Variants in ZNF839 observed in about 807,000 individuals in gnomAD.
ZNF839 encodes renal carcinoma antigen NY-REN-50.
A neutral mutation model predicts 56.4 loss-of-function variants in ZNF839; 38 were observed. The ratio of observed to expected loss-of-function variants is 0.67; its 90% CI spans 0.52 to 0.88. ZNF839 has a LOEUF of 0.88. ZNF839 is among the 40% of genes least tolerant of loss of function. The probability of loss-of-function intolerance (pLI) is 0.00; values close to 1 mark genes in which losing one functional copy is unlikely to be tolerated. For synonymous variants in ZNF839, 486 were observed against 493.5 expected, an observed-to-expected ratio of 0.98 and a Z score of 0.20; for missense variants, 1,091 against 1,177.6, an observed-to-expected ratio of 0.93 and a Z score of 1.08.
upstream of ZNF839, among the ~76,000 whole-genome samples, chr14:102,318,997 A>T (rs1242556222): frequency 6.6e-6 from 1 of 152,166 alleles, no homozygotes; most frequent in Non-Finnish European, 1.5e-5. Context: ...ATGTGTACAC[A>T]CCTGCAGCTA....
At chr14:102,323,864 A>G (rs2073261951) in intron 1 of ZNF839, among the ~76,000 whole-genome samples, 2 of 152,202 alleles carry the variant, frequency 1.3e-5, no homozygotes, top group South Asian at 4.1e-4. Flanking sequence ...CTCATACTGC[A>G]GAGAAAATGA....
At chr14:102,329,226 C>T (rs1199762153) in intron 2 of ZNF839, among the ~76,000 whole-genome samples, 1 of 152,184 alleles carries the variant, frequency 6.6e-6, no homozygotes, top group Non-Finnish European at 1.5e-5. Flanking sequence ...CCTTGGCCAC[C>T]CAAAGTGCTG....
chr14:102,324,011 A>G (rs1399883914), intron 1 of ZNF839, among the ~76,000 whole-genome samples: 3 of 152,340 alleles, frequency 2.0e-5, no homozygotes, highest in South Asian at 4.1e-4. Flanking sequence ...GAACTGAACT[A>G]TATATTTTTA....
rs781672974 is a variant in ZNF839, at chr14:102,326,816, A to G, written c.1120A>G (p.Met374Val). ...CAGCCTGACCTCCCTGGGGCTGTCC[A>G]TGCCAGCGGATCCATGTGAGGGAGG... is the stretch of plus-strand genomic sequence containing the variant. ...TLSLTSLGLS[M>V]PADPCEGGAR... The change falls in exon 2 of 8, where the codon ATG becomes GTG. Residue 374 changes from methionine (M) to valine (V), a missense_variant. This residue lies in a region of ZNF839 where 614 missense variants were observed against 629.2 expected (regional missense o/e 0.98). Transcript: ENST00000442396. This position sits in a 1 kb window ranked among gnomAD's most constrained non-coding sequence, Gnocchi z 4.3. 45 of 1,611,532 alleles carry G rather than the reference A, an allele frequency of 2.8e-5. No homozygotes were observed. The highest frequency in any genetic ancestry group is 1.7e-4 in the Middle Eastern group (1 of 5,996).
At position 102,341,982 on chromosome 14, in the gene ZNF839, G is replaced by A. The variant is rs746898107; in HGVS notation, c.2587G>A (p.Val863Met). The change falls in exon 8 of 8, where the codon GTG (valine) becomes ATG (methionine). Residue 863 changes from valine (V) to methionine (M), a missense_variant. Around this residue, in one of 3 missense-constraint regions of ZNF839, gnomAD observed 431 missense variants for 468.0 expected, o/e 0.92. Coordinates refer to ENST00000442396, the MANE Select transcript of ZNF839 (RefSeq NM_018335.6). ...CTCTGGCCAGAGAGAACTGGAGAGCGTGGTTGCTGTCGGCGAAGCCATGGC... is the reference window on the plus strand; with the variant it reads ...CTCTGGCCAGAGAGAACTGGAGAGCATGGTTGCTGTCGGCGAAGCCATGGC... ...VHSGQRELES[V>M]VAVGEAMAFE... 29 of 1,613,920 alleles carry A rather than the reference G, an allele frequency of 1.8e-5. No homozygotes were observed. Among genetic ancestry groups the A allele is most frequent in the African/African-American group, 5.3e-5 (4 of 74,940 alleles).
At position 102,328,393 on chromosome 14, in the gene ZNF839, T is replaced by A. The variant is rs201660777; in HGVS notation, c.1191+1506T>A. ...AAAAAAAAATATATATATATATATA[T>A]ATATATATATATATATATGTATACA... On this transcript the variant is annotated intron_variant, in intron 2 of 7. Coordinates refer to ENST00000442396, the MANE Select transcript of ZNF839 (RefSeq NM_018335.6). 3.1e-3 allele frequency among the ~76,000 whole-genome samples: 300 copies of A among 96,154 alleles called. 2 individuals are homozygous for A. Among genetic ancestry groups the A allele is most frequent in the African/African-American group, 6.7e-3 (162 of 24,078 alleles). The allele number at this position is 96,154 out of a possible 152,430, so 63.1% of individuals were successfully genotyped here.
intron 3 of ZNF839, among the ~76,000 whole-genome samples, chr14:102,333,960 C>G (rs1027307075): frequency 6.6e-6 from 1 of 151,918 alleles, no homozygotes; most frequent in Non-Finnish European, 1.5e-5. Context: ...GAGGGCTATG[C>G]TCTCCCCTCA....
chr14:102,323,838 A>G (rs532856593), intron 1 of ZNF839, among the ~76,000 whole-genome samples: 12 of 152,296 alleles, frequency 7.9e-5, no homozygotes, highest in African/African-American at 2.4e-4. Flanking sequence ...CTGTCCATCA[A>G]TAGGAGACTG....
rs371235481 is a variant in ZNF839, at chr14:102,341,607, T to G, written c.2212T>G (p.Trp738Gly). ...ALEHSSDQDT[W>G]DSLRSPGFCS... is the part of the protein sequence containing the mutation. ...GGAACACTCTTCAGACCAGGACACC[T>G]GGGACAGCCTGAGGAGCCCGGGTTT... The change falls in exon 8 of 8, where the codon TGG becomes GGG. Residue 738 changes from tryptophan to glycine, a missense_variant. Trp to Gly is a radical substitution (Grantham distance 184). Transcript: ENST00000442396. The G allele has an allele frequency of 2.3e-4, 379 of 1,613,940 alleles. 2 individuals carry two copies. In the Middle Eastern group the frequency reaches 4.0e-3, roughly 17 times the overall value.
At position 102,326,955 on chromosome 14, in the gene ZNF839, GA is replaced by G; in HGVS notation, c.1191+69del. 4 of 1,433,852 alleles carry G rather than the reference GA, an allele frequency of 2.8e-6. No individual in the cohort carries two copies. Among genetic ancestry groups the G allele is most frequent in the Non-Finnish European group, 3.7e-6 (4 of 1,082,522 alleles). 88.8% of individuals were successfully genotyped at this position (1,433,852 alleles called of 1,614,324 possible). A position where few individuals can be genotyped will look rare whatever the true frequency, so the allele number is the denominator to read the frequency against. On this transcript the variant is annotated intron_variant, in intron 2 of 7. Coordinates refer to ENST00000442396, the MANE Select transcript of ZNF839 (RefSeq NM_018335.6). This position sits in a 1 kb window ranked among gnomAD's most constrained non-coding sequence, Gnocchi z 4.3. ...CTCGGATTGCTATAAAGAAATACCTGAGACCAGGTATTTTATAAAGAAAAGA... is the reference window on the plus strand; with the variant it reads ...CTCGGATTGCTATAAAGAAATACCTGGACCAGGTATTTTATAAAGAAAAGA...
At chr14:102,331,417 T>G in intron 2 of ZNF839, 1 of 514,300 alleles carries the variant, frequency 1.9e-6, no homozygotes, top group Non-Finnish European at 3.5e-6. Context: ...CCTGGCTAAT[T>G]TTTTGTATTC....
At chr14:102,317,615 A>G (rs1213414665), upstream of ZNF839, 1 of 152,132 alleles carries the variant, frequency 6.6e-6, no homozygotes, top group African/African-American at 2.4e-5. Flanking sequence ...CCACAGATGC[A>G]TATGGAGAGC....
Position 102,326,904 on chromosome 14 carries a change from G to A in ZNF839, c.1191+17G>A, listed in dbSNP as rs1464815421. On this transcript the variant is annotated intron_variant, in intron 2 of 7. Coordinates refer to ENST00000442396, the MANE Select transcript of ZNF839 (RefSeq NM_018335.6). The surrounding 1 kb of genome is among the most constrained non-coding windows in gnomAD (Gnocchi z 4.3). ...GGCCTGCAGGTAATGTTTCTGTCTG[G>A]GTATGTGTCTTTTTATTTGGCCGTT... is the stretch of plus-strand genomic sequence containing the variant. The A allele has an allele frequency of 6.4e-7, 1 of 1,562,910 alleles. No individual in the cohort carries two copies. Among genetic ancestry groups the A allele is most frequent in the Non-Finnish European group, 8.7e-7 (1 of 1,154,190 alleles).
At chr14:102,329,644 C>G (rs1354994191) in intron 2 of ZNF839, among the ~76,000 whole-genome samples, 2 of 152,056 alleles carry the variant, frequency 1.3e-5, no homozygotes, top group East Asian at 3.9e-4. Flanking sequence ...CTCAGCCTCC[C>G]AAAATGCTGG....
chr14:102,335,981 C>T, intron 5 of ZNF839, 143 bp downstream of exon 5: 2 of 915,758 alleles, frequency 2.2e-6, no homozygotes, highest in Non-Finnish European at 3.2e-6. Context: ...GAGTTTGAGA[C>T]CAGCCTGGCC....
At chr14:102,339,728 AAC>A (rs1886288048) in intron 7 of ZNF839, among the ~76,000 whole-genome samples, 1 of 151,640 alleles carries the variant, frequency 6.6e-6, no homozygotes. Flanking sequence ...CAGCCTGGGT[AAC>A]AGAGTGAGAC....
At chr14:102,318,445 C>G (rs1352801605), upstream of ZNF839, among the ~76,000 whole-genome samples, 1 of 152,020 alleles carries the variant, frequency 6.6e-6, no homozygotes, top group Non-Finnish European at 1.5e-5. Context: ...CCAGCCTTAC[C>G]AACATGATGA....
chr14:102,326,695 A>G lies in ZNF839; in HGVS notation c.999A>G (p.Lys333=). The change falls in exon 2 of 8, where the codon AAA becomes AAG. Residue 333 remains lysine, a synonymous_variant. Coordinates refer to ENST00000442396, the MANE Select transcript of ZNF839 (RefSeq NM_018335.6). The surrounding 1 kb of genome is among the most constrained non-coding windows in gnomAD (Gnocchi z 4.3). ...AGGGGGGACTGGCCCGACATTTTAA[A>G]CTTAACCCAGGCCACGGCCAGTTGG... ...IGKGGLARHF[K]LNPGHGQLDP... The G allele has an allele frequency of 6.2e-7, 1 of 1,612,664 alleles. No homozygotes were observed. Among genetic ancestry groups the G allele is most frequent in the Non-Finnish European group, 8.5e-7 (1 of 1,179,400 alleles).
At chr14:102,322,562 A>G (rs1285768520) in intron 1 of ZNF839, among the ~76,000 whole-genome samples, 5 of 152,092 alleles carry the variant, frequency 3.3e-5, no homozygotes, top group African/African-American at 1.2e-4. Context: ...ATGTATGTAT[A>G]TGTATTATGT....
Sources: gnomAD v4.1 joint callset for allele counts (sites outside exome capture counted in the v4.1 genomes callset) on GRCh38, gnomAD v4.1.1 for gene constraint, gnomAD v4.1.1 regional missense constraint, Gnocchi (gnomAD v3.1) non-coding constraint, MANE v1.5 for transcripts, NCBI Gene and HGNC (gene_info 2026-07-23, HGNC 2026-07-21) for gene names.